Variants in GBE1 observed in about 807,000 individuals in gnomAD.
GBE1 encodes the protein 1,4-alpha-glucan-branching enzyme.
GBE1 carries 70 observed loss-of-function variants against 88.8 expected under a neutral mutation model. The ratio of observed to expected loss-of-function variants is 0.79; its 90% CI spans 0.65 to 0.96. The LOEUF (loss-of-function observed/expected upper bound fraction) is 0.96. Among genes scored for constraint, GBE1 ranks in the 40% least tolerant of loss-of-function variants. The pLI is 0.00. For synonymous variants in GBE1, 284 were observed against 300.1 expected, an observed-to-expected ratio of 0.95 and a Z score of 0.56; for missense variants, 872 against 871.0, an observed-to-expected ratio of 1.00 and a Z score of -0.01.
chr3:81,507,520 C>T (rs750466266), intron 14 of GBE1, among the ~76,000 whole-genome samples: 1 of 151,984 alleles, frequency 6.6e-6, no homozygotes, highest in Non-Finnish European at 1.5e-5. Flanking sequence ...GCCAGGATTG[C>T]ACCACTACAC....
chr3:81,669,865 T>A (rs1156669375), intron 3 of GBE1, among the ~76,000 whole-genome samples: 1 of 152,146 alleles, frequency 6.6e-6, no homozygotes, highest in Non-Finnish European at 1.5e-5. Flanking sequence ...TTATTAAATT[T>A]TACATACACT....
intron 2 of GBE1, among the ~76,000 whole-genome samples, chr3:81,676,525 C>T (rs1705254405): frequency 6.6e-6 from 1 of 151,962 alleles, no homozygotes; most frequent in African/African-American, 2.4e-5. Context: ...ACTAATTACT[C>T]TTTTAAAATA....
intron 7 of GBE1, among the ~76,000 whole-genome samples, chr3:81,604,469 T>C (rs1035122820): frequency 2.0e-5 from 3 of 151,904 alleles, no homozygotes; most frequent in Non-Finnish European, 4.4e-5. Flanking sequence ...GTATTTTGTG[T>C]AGAGGCAGGG....
At chr3:81,737,446 T>TTA (rs1318726683) in intron 1 of GBE1, among the ~76,000 whole-genome samples, 15 of 144,044 alleles carry the variant, frequency 1.0e-4, no homozygotes, top group East Asian at 7.9e-4. Flanking sequence ...TACTTCAAAA[T>TTA]TATATATATA....
At chr3:81,610,099 C>G (rs576151854) in intron 7 of GBE1, among the ~76,000 whole-genome samples, 1 of 152,210 alleles carries the variant, frequency 6.6e-6, no homozygotes, top group South Asian at 2.1e-4. Context: ...AGTATAAAGT[C>G]TTCTCCAAAT....
chr3:81,562,368 C>T (rs1292180924), intron 12 of GBE1, among the ~76,000 whole-genome samples: 5 of 152,024 alleles, frequency 3.3e-5, no homozygotes, highest in Admixed American at 6.6e-5. Context: ...GTTAGAGCTG[C>T]ACCAACACCA....
chr3:81,597,997 A>G (rs1478751485), intron 7 of GBE1, among the ~76,000 whole-genome samples: 1 of 151,982 alleles, frequency 6.6e-6, no homozygotes, highest in Non-Finnish European at 1.5e-5. Context: ...TAATCTTTAT[A>G]ATGAAACATA....
intron 1 of GBE1, among the ~76,000 whole-genome samples, chr3:81,711,987 C>T (rs1208999075): frequency 6.6e-5 from 10 of 152,118 alleles, no homozygotes; most frequent in African/African-American, 1.4e-4. Context: ...AAGAAGTGGG[C>T]GAAGGATATG....
At chr3:81,557,527 AAAAG>A (rs935643067) in intron 12 of GBE1, among the ~76,000 whole-genome samples, 9 of 152,020 alleles carry the variant, frequency 5.9e-5, no homozygotes, top group African/African-American at 2.2e-4. Context: ...GAGAAGGACA[AAAAG>A]AAAGAAGAAG....
chr3:81,501,200 C>T (rs2106813063), intron 14 of GBE1, among the ~76,000 whole-genome samples: 1 of 152,288 alleles, frequency 6.6e-6, no homozygotes, highest in East Asian at 1.9e-4. Flanking sequence ...TGACAAGACA[C>T]AAGAGCTTGT....
chr3:81,631,432 A>C (rs1704506754), intron 7 of GBE1, among the ~76,000 whole-genome samples: 1 of 152,022 alleles, frequency 6.6e-6, no homozygotes, highest in Non-Finnish European at 1.5e-5. Context: ...AATCTCTAAA[A>C]CAACATTTAA....
chr3:81,562,747 G>A (rs907988746), intron 12 of GBE1, among the ~76,000 whole-genome samples: 9 of 151,964 alleles, frequency 5.9e-5, no homozygotes, highest in East Asian at 5.8e-4. Flanking sequence ...AAAATATATC[G>A]CCAAAGAGAA....
chr3:81,601,488 G>A (rs1576165554), intron 7 of GBE1, among the ~76,000 whole-genome samples: 1 of 151,938 alleles, frequency 6.6e-6, no homozygotes, highest in South Asian at 2.1e-4. Context: ...TTAATATGTG[G>A]TCATACTAGC....
intron 1 of GBE1, among the ~76,000 whole-genome samples, chr3:81,750,565 A>ATATATATG (rs1706489404): frequency 4.7e-5 from 3 of 63,674 alleles, no homozygotes; most frequent in African/African-American, 2.9e-4. Flanking sequence ...ATATATATGT[A>ATATATATG]TATATATATA....
At chr3:81,640,219 C>T (rs929602483) in intron 7 of GBE1, among the ~76,000 whole-genome samples, 10 of 151,000 alleles carry the variant, frequency 6.6e-5, no homozygotes, top group Non-Finnish European at 1.5e-4. Context: ...AAGGGTGTTG[C>T]CAAAGGAGAT....
At chr3:81,579,749 C>T (rs1703695726) in intron 11 of GBE1, among the ~76,000 whole-genome samples, 1 of 149,858 alleles carries the variant, frequency 6.7e-6, no homozygotes, top group Non-Finnish European at 1.5e-5. Flanking sequence ...CTTATCTGCT[C>T]TACAGACAAG....
intron 12 of GBE1, among the ~76,000 whole-genome samples, chr3:81,575,006 A>G (rs1703625737): frequency 6.6e-6 from 1 of 152,074 alleles, no homozygotes; most frequent in South Asian, 2.1e-4. Context: ...CTACTAAAAA[A>G]TACAAAAAAT....
At chr3:81,554,600 T>C (rs1344275516) in intron 12 of GBE1, among the ~76,000 whole-genome samples, 1 of 152,134 alleles carries the variant, frequency 6.6e-6, no homozygotes. Flanking sequence ...CCCTAGTCAA[T>C]TACTCTTTAA....
chr3:81,706,611 A>C (rs1450812987), intron 1 of GBE1, among the ~76,000 whole-genome samples: 2 of 152,202 alleles, frequency 1.3e-5, no homozygotes, highest in African/African-American at 4.8e-5. Flanking sequence ...GAAAGATGGC[A>C]GGAATCGAGG....
Sources: allele counts gnomAD v4.1 joint callset (sites outside exome capture counted in the v4.1 genomes callset), GRCh38; gene constraint gnomAD v4.1.1; transcripts MANE v1.5; gene names NCBI Gene and HGNC (gene_info 2026-07-23, HGNC 2026-07-21).